The following BMPER variants were observed in gnomAD, a reference collection of about 807,000 sequenced individuals.
The protein encoded by BMPER is BMP-binding endothelial regulator protein.
A neutral mutation model predicts 87.3 loss-of-function variants in BMPER; 45 were observed. The ratio of observed to expected loss-of-function variants is 0.52; its 90% CI spans 0.41 to 0.66. The LOEUF (loss-of-function observed/expected upper bound fraction) is 0.66, where lower values mean the gene tolerates loss of function less well. Ranked by LOEUF, BMPER falls within the 30% of genes least tolerant of loss-of-function variation. BMPER has a pLI of 0.00. For missense variants in BMPER, 784 were observed against 867.5 expected (o/e 0.90, Z 1.21); for synonymous variants, 326 against 316.2 (o/e 1.03, Z -0.33).
chr7:33,937,718 A>G (rs1585655327), intron 3 of BMPER, among the ~76,000 whole-genome samples: 1 of 152,152 alleles, frequency 6.6e-6, no homozygotes, highest in Non-Finnish European at 1.5e-5. Context: ...ACACATGAGC[A>G]TATTTTGTCA....
At chr7:34,021,382 A>G (rs1264691901) in intron 6 of BMPER, among the ~76,000 whole-genome samples, 4 of 152,056 alleles carry the variant, frequency 2.6e-5, no homozygotes, top group Non-Finnish European at 4.4e-5. Flanking sequence ...ATCTAATCAA[A>G]ATGAGTAATT....
intron 3 of BMPER, among the ~76,000 whole-genome samples, chr7:33,964,651 T>G (rs1452407452): frequency 6.6e-6 from 1 of 152,170 alleles, no homozygotes; most frequent in African/African-American, 2.4e-5. Flanking sequence ...AGCCTGGTGC[T>G]CCTCCTGGGA....
chr7:34,027,731 G>T (rs1226035510), intron 6 of BMPER, among the ~76,000 whole-genome samples: 1 of 152,032 alleles, frequency 6.6e-6, no homozygotes, highest in African/African-American at 2.4e-5. Context: ...AAAACAAGTG[G>T]CAGTATTTGT....
intron 6 of BMPER, among the ~76,000 whole-genome samples, chr7:34,032,552 TG>T: frequency 6.6e-6 from 1 of 152,254 alleles, no homozygotes. Flanking sequence ...ATGAAAGAAA[TG>T]TCCTCTTTAC....
chr7:33,937,414 C>T (rs1428238279), intron 3 of BMPER, 26 bp downstream of exon 3: 2 of 1,601,276 alleles, frequency 1.2e-6, no homozygotes, highest in East Asian at 2.2e-5. Flanking sequence ...GCCGTCTTCT[C>T]TTCTGGCTGC....
Position 33,937,301 on chromosome 7 carries a change from A to G in BMPER, c.232A>G (p.Thr78Ala), listed in dbSNP as rs948011563. ...TCTTTTTGTCTAGAACAAGGAAGTG[A>G]CATGTAAGAGAGAGAAGTGCCCCGT... ...IMCVCLNKEV[T>A]CKREKCPVLS... The change falls in exon 3 of 15, where the codon ACA (threonine) becomes GCA (alanine). Residue 78 changes from threonine (T) to alanine (A), a missense_variant. By Grantham distance (58) the Thr-to-Ala change is moderately conservative. Coordinates refer to ENST00000649409, the MANE Select transcript of BMPER (RefSeq NM_001365308.1). 14 of 1,614,098 alleles carry G rather than the reference A, an allele frequency of 8.7e-6. No homozygotes were observed. In the African/African-American group the frequency reaches 1.9e-4, roughly 22 times the overall value.
intron 13 of BMPER, among the ~76,000 whole-genome samples, chr7:34,104,335 T>C (rs1789762008): frequency 6.6e-6 from 1 of 152,178 alleles, no homozygotes; most frequent in Non-Finnish European, 1.5e-5. Context: ...AAGAGGCCAT[T>C]TGTCATTCAT....
chr7:34,014,370 G>A (rs1786965369), intron 6 of BMPER, among the ~76,000 whole-genome samples: 1 of 151,880 alleles, frequency 6.6e-6, no homozygotes, highest in Non-Finnish European at 1.5e-5. Flanking sequence ...AAACTTCCTT[G>A]AATGCATACT....
At chr7:34,053,421 G>C (rs1168984732) in intron 8 of BMPER, among the ~76,000 whole-genome samples, 1 of 152,190 alleles carries the variant, frequency 6.6e-6, no homozygotes, top group South Asian at 2.1e-4. Flanking sequence ...TTGGCTCTTC[G>C]ACAGTGTGGG....
intron 2 of BMPER, among the ~76,000 whole-genome samples, chr7:33,926,796 G>T (rs1043206848): frequency 3.3e-5 from 5 of 152,200 alleles, no homozygotes; most frequent in Non-Finnish European, 7.3e-5. Flanking sequence ...TTTCAGTTCT[G>T]CGAACTTCTA....
At chr7:34,071,297 T>C (rs1788731612) in intron 11 of BMPER, among the ~76,000 whole-genome samples, 1 of 152,194 alleles carries the variant, frequency 6.6e-6, no homozygotes, top group Non-Finnish European at 1.5e-5. Context: ...ACTCTGAGTA[T>C]CTCTTATGTT....
intron 13 of BMPER, among the ~76,000 whole-genome samples, chr7:34,106,241 A>G (rs562263488): frequency 3.3e-5 from 5 of 152,222 alleles, no homozygotes; most frequent in South Asian, 2.1e-4. Flanking sequence ...CCTTATAGGC[A>G]TAATTAGGCA....
At chr7:33,942,990 T>A in intron 3 of BMPER, among the ~76,000 whole-genome samples, 1 of 152,206 alleles carries the variant, frequency 6.6e-6, no homozygotes, top group Non-Finnish European at 1.5e-5. Context: ...CTCCCATGAT[T>A]TGTTGAAACT....
At chr7:33,993,973 C>CCGTTCT (rs1256346551) in intron 6 of BMPER, among the ~76,000 whole-genome samples, 2 of 152,174 alleles carry the variant, frequency 1.3e-5, no homozygotes, top group African/African-American at 4.8e-5. Context: ...GGCAGTCTGC[C>CCGTTCT]CGTTCTCAGA....
intron 6 of BMPER, among the ~76,000 whole-genome samples, chr7:34,029,030 A>T (rs1787456647): frequency 6.6e-6 from 1 of 152,114 alleles, no homozygotes; most frequent in South Asian, 2.1e-4. Flanking sequence ...GGACAATAAA[A>T]TGTTAATTAT....
chr7:33,942,303 C>T (rs1784789784), intron 3 of BMPER, among the ~76,000 whole-genome samples: 2 of 152,178 alleles, frequency 1.3e-5, no homozygotes, highest in African/African-American at 4.8e-5. Context: ...TTCATCAAAA[C>T]AGCAGCAGGT....
intron 6 of BMPER, among the ~76,000 whole-genome samples, chr7:34,017,315 A>G (rs1307673168): frequency 6.6e-6 from 1 of 151,892 alleles, no homozygotes; most frequent in Non-Finnish European, 1.5e-5. Flanking sequence ...TATAAAGGAA[A>G]GAGGTTTAAT....
chr7:34,087,154 TC>T (rs1789237091), intron 13 of BMPER, among the ~76,000 whole-genome samples: 2 of 152,132 alleles, frequency 1.3e-5, no homozygotes, highest in South Asian at 4.1e-4. Context: ...TCATCACAAA[TC>T]CCCGAACATG....
chr7:34,074,244 C>T (rs1224123518), intron 11 of BMPER, among the ~76,000 whole-genome samples: 1 of 152,128 alleles, frequency 6.6e-6, no homozygotes. Flanking sequence ...TCTTTTCCAC[C>T]CCCACCCCCA....
Sources: gnomAD v4.1 joint callset for allele counts (sites outside exome capture counted in the v4.1 genomes callset) on GRCh38, gnomAD v4.1.1 for gene constraint, MANE v1.5 for transcripts, NCBI Gene and HGNC (gene_info 2026-07-23, HGNC 2026-07-21) for gene names.